Variants in SHROOM4 observed in about 807,000 individuals in gnomAD.
SHROOM4 encodes the protein protein Shroom4.
In SHROOM4, 17 loss-of-function variants were observed where a neutral mutation model predicts 80.3. The ratio of observed to expected loss-of-function variants is 0.21; its 90% CI spans 0.14 to 0.32. The LOEUF is 0.32. SHROOM4 is among the 10% of genes least tolerant of loss of function. SHROOM4 has a pLI of 1.00. For missense variants in SHROOM4, 993 were observed against 1,140.3 expected (o/e 0.87, Z 1.86); for synonymous variants, 400 against 437.5 (o/e 0.91, Z 1.07).
downstream of SHROOM4, among the ~76,000 whole-genome samples, chrX:50,582,100 G>A (rs1027847979): frequency 8.9e-6 from 1 of 111,799 alleles, no homozygotes; most frequent in South Asian, 3.8e-4. Context: ...TGTCACTCCT[G>A]TGATTACAAT....
chrX:50,581,756 A>T, the SHROOM4 span, among the ~76,000 whole-genome samples: 2 of 111,974 alleles, frequency 1.8e-5, no homozygotes, highest in African/African-American at 6.5e-5. Context: ...TTTTAAGAGA[A>T]TTCAGCTGCC....
chrX:50,679,750 TAA>T (rs1387539180), intron 2 of SHROOM4, among the ~76,000 whole-genome samples: 1 of 112,029 alleles, frequency 8.9e-6, no homozygotes, highest in Non-Finnish European at 1.9e-5. Context: ...AAGTTACTGA[TAA>T]CTATAGTCAC....
the SHROOM4 span, among the ~76,000 whole-genome samples, chrX:50,578,089 A>G: frequency 8.9e-6 from 1 of 111,929 alleles, no homozygotes; most frequent in African/African-American, 3.3e-5. Context: ...GCATGCACAC[A>G]TACACGCACA....
chrX:50,592,535 A>C lies in SHROOM4; in HGVS notation c.*4160T>G, dbSNP rs1401553282. On this transcript the variant is annotated 3_prime_UTR_variant, in exon 9 of 9. Transcript: ENST00000376020. ...GACTCTTTCTACTCTACCACAATGG[A>C]TATCTTGAGTAGAAGGAGGATAGTT... The C allele has an allele frequency of 1.7e-5, 3 of 174,740 alleles. No homozygotes were observed. The highest frequency in any genetic ancestry group is 9.2e-5 in the African/African-American group (3 of 32,499). 14.4% of individuals were successfully genotyped at this position (174,740 alleles called of 1,213,427 possible).
At chrX:50,674,469 GA>G (rs1322627674) in intron 2 of SHROOM4, among the ~76,000 whole-genome samples, 2 of 110,825 alleles carry the variant, frequency 1.8e-5, no homozygotes, top group Admixed American at 9.6e-5. Flanking sequence ...CAATTCAATG[GA>G]AAAAAAGATA....
intron 1 of SHROOM4, among the ~76,000 whole-genome samples, chrX:50,791,577 C>CTTTTTT (rs782127144): frequency 5.2e-5 from 3 of 57,989 alleles, no homozygotes; most frequent in African/African-American, 1.8e-4. Context: ...CCATGCCTGA[C>CTTTTTT]TTTTTTTTTT....
intron 6 of SHROOM4, among the ~76,000 whole-genome samples, 187 bp from the exon 7 acceptor site, chrX:50,603,000 T>G (rs1290670504): frequency 8.9e-6 from 1 of 112,052 alleles, no homozygotes; most frequent in Non-Finnish European, 1.9e-5. Context: ...AGGTAAGTTT[T>G]AAGAACTTAG....
In SHROOM4 at chrX:50,594,419, A is replaced by G. The variant is rs1307137241; in HGVS notation, c.*2276T>C. Reference sequence around the variant, plus strand: ...TTGTGTTCTGATTCTAACTCTAGAAACTAATTTGAGATGGGATTAAGAACA... The same window carrying G: ...TTGTGTTCTGATTCTAACTCTAGAAGCTAATTTGAGATGGGATTAAGAACA... On this transcript the variant is annotated 3_prime_UTR_variant, in exon 9 of 9. Transcript: ENST00000376020. 8.9e-6 allele frequency: 1 copy of G among 112,321 alleles called. No individual in the cohort carries two copies. Among genetic ancestry groups the G allele is most frequent in the Non-Finnish European group, 1.9e-5 (1 of 53,303 alleles). 9.3% of individuals were successfully genotyped at this position (112,321 alleles called of 1,213,427 possible).
At chrX:50,799,802 T>A (rs1268967452) in intron 1 of SHROOM4, among the ~76,000 whole-genome samples, 3 of 112,039 alleles carry the variant, frequency 2.7e-5, no homozygotes, top group Non-Finnish European at 5.6e-5. Flanking sequence ...TACACCCACC[T>A]TAAACACATA....
At chrX:50,787,063 T>G (rs372520778) in intron 1 of SHROOM4, among the ~76,000 whole-genome samples, 4 of 108,677 alleles carry the variant, frequency 3.7e-5, no homozygotes, top group African/African-American at 1.3e-4. Context: ...CAGAAAAAAT[T>G]TAAAAAGTTA....
intron 1 of SHROOM4, among the ~76,000 whole-genome samples, chrX:50,696,562 G>T (rs1933375313): frequency 8.9e-6 from 1 of 112,270 alleles, no homozygotes; most frequent in Non-Finnish European, 1.9e-5. Context: ...CAAGGGAGTT[G>T]ACTCTGAAGA....
intron 1 of SHROOM4, among the ~76,000 whole-genome samples, chrX:50,718,818 C>T (rs1331025133): frequency 9.0e-6 from 1 of 111,541 alleles, no homozygotes; most frequent in African/African-American, 3.3e-5. Flanking sequence ...TATAGATCTC[C>T]TTGGTTCCTA....
chrX:50,675,204 C>T (rs975899565), intron 2 of SHROOM4, among the ~76,000 whole-genome samples: 1 of 111,009 alleles, frequency 9.0e-6, no homozygotes, highest in African/African-American at 3.3e-5. Flanking sequence ...GAGAGATCAA[C>T]AAAAATAACT....
rs151028782 is a variant in SHROOM4 at position 50,772,331 on chromosome X, A to G, written c.117+41571T>C. ...TTAAGTACACTTATATTTTGATCTCATAACAGTACTTATGAGGTATGTAAT... is the reference window on the plus strand; with the variant it reads ...TTAAGTACACTTATATTTTGATCTCGTAACAGTACTTATGAGGTATGTAAT... On this transcript the variant is annotated intron_variant, in intron 1 of 8. Transcript: ENST00000376020. 3.4e-3 allele frequency among the ~76,000 whole-genome samples: 379 copies of G among 111,482 alleles called. 4 individuals are homozygous for G. The highest frequency in any genetic ancestry group is 0.011 in the African/African-American group (352 of 30,643).
At chrX:50,726,230 C>T (rs976461184) in intron 1 of SHROOM4, among the ~76,000 whole-genome samples, 4 of 111,807 alleles carry the variant, frequency 3.6e-5, no homozygotes, top group Non-Finnish European at 7.5e-5. Flanking sequence ...TAAAAGCGTA[C>T]AGTATATGCA....
intron 5 of SHROOM4, among the ~76,000 whole-genome samples, chrX:50,614,575 G>T (rs1930139869): frequency 8.9e-6 from 1 of 112,297 alleles, no homozygotes; most frequent in Admixed American, 9.4e-5. Context: ...AAAAGTTAAA[G>T]AATTAATGAG....
intron 1 of SHROOM4, among the ~76,000 whole-genome samples, chrX:50,719,160 T>G (rs782788521): frequency 1.4e-4 from 16 of 112,091 alleles, no homozygotes; most frequent in African/African-American, 5.2e-4. Flanking sequence ...AGGAGGTCAG[T>G]AAGGCTGATA....
chrX:50,598,064 C>T (rs1375431862), intron 8 of SHROOM4, among the ~76,000 whole-genome samples: 1 of 111,210 alleles, frequency 9.0e-6, no homozygotes, highest in African/African-American at 3.3e-5. Flanking sequence ...GTCTCAAACT[C>T]CTGGACTGAA....
chrX:50,732,809 A>G (rs1934401417), intron 1 of SHROOM4, among the ~76,000 whole-genome samples: 2 of 112,282 alleles, frequency 1.8e-5, no homozygotes, highest in Non-Finnish European at 3.8e-5. Flanking sequence ...AGGCCCAGAT[A>G]TCTTCACTGC....
Sources: gnomAD v4.1 joint callset for allele counts (sites outside exome capture counted in the v4.1 genomes callset) on GRCh38, gnomAD v4.1.1 for gene constraint, MANE v1.5 for transcripts, NCBI Gene and HGNC (gene_info 2026-07-23, HGNC 2026-07-21) for gene names.